Variants in ZCCHC7 observed in about 807,000 individuals in gnomAD.
ZCCHC7 encodes zinc finger CCHC-type containing 7.
A neutral mutation model predicts 52.0 loss-of-function variants in ZCCHC7; 35 were observed. The observed-to-expected ratio is 0.67, with a 90% confidence interval of 0.51 to 0.89. The LOEUF (loss-of-function observed/expected upper bound fraction) is 0.89, where lower values mean the gene tolerates loss of function less well. Among genes scored for constraint, ZCCHC7 ranks in the 40% least tolerant of loss-of-function variants. ZCCHC7 has a pLI of 0.00. For synonymous variants in ZCCHC7, 217 were observed against 221.5 expected, an observed-to-expected ratio of 0.98 and a Z score of 0.18; for missense variants, 574 against 649.1, an observed-to-expected ratio of 0.88 and a Z score of 1.26.
chr9:37,310,802 TA>T (rs1023201571), intron 5 of ZCCHC7, among the ~76,000 whole-genome samples: 3 of 151,112 alleles, frequency 2.0e-5, no homozygotes, highest in Non-Finnish European at 4.4e-5. Context: ...AAAAAAAATT[TA>T]AAAATTAGCC....
chr9:37,195,196 C>A (rs1823228322), intron 2 of ZCCHC7, among the ~76,000 whole-genome samples: 1 of 152,072 alleles, frequency 6.6e-6, no homozygotes. Flanking sequence ...ATCCGCCCAC[C>A]TCAGCCTCCC....
intron 2 of ZCCHC7, among the ~76,000 whole-genome samples, chr9:37,253,341 C>T (rs1258095804): frequency 6.6e-6 from 1 of 151,524 alleles, no homozygotes; most frequent in Non-Finnish European, 1.5e-5. Flanking sequence ...GGTTGGCTTA[C>T]CAGGATTTAT....
rs139495348 is a variant in ZCCHC7 at position 37,302,666 on chromosome 9, C to A, written c.654+435C>A. Among the ~76,000 whole-genome samples the A allele has an allele frequency of 9.2e-5, 14 of 152,346 alleles. No homozygotes were observed. The East Asian group carries it at 2.7e-3, about 29-fold the overall frequency. On this transcript the variant is annotated intron_variant, in intron 3 of 8. Coordinates refer to ENST00000336755, the MANE Select transcript of ZCCHC7 (RefSeq NM_032226.3). ...TTGGGAGATAGCTAGATTGTACTTA[C>A]ATGTGGTCCACTTGGCCAGTTCAGC... is the stretch of plus-strand genomic sequence containing the variant.
At chr9:37,310,481 T>A (rs1242676698) in intron 5 of ZCCHC7, among the ~76,000 whole-genome samples, 3 of 152,216 alleles carry the variant, frequency 2.0e-5, no homozygotes, top group African/African-American at 7.2e-5. Flanking sequence ...TAGTAGGTGT[T>A]CAGTAGATTT....
intron 2 of ZCCHC7, among the ~76,000 whole-genome samples, chr9:37,289,164 T>C (rs1360957821): frequency 2.6e-5 from 4 of 151,830 alleles, no homozygotes; most frequent in Non-Finnish European, 4.4e-5. Context: ...TTTTTTTTTT[T>C]TCTGAGGTGG....
At chr9:37,131,408 G>A (rs1307618453) in intron 2 of ZCCHC7, among the ~76,000 whole-genome samples, 1 of 151,950 alleles carries the variant, frequency 6.6e-6, no homozygotes, top group Non-Finnish European at 1.5e-5. Context: ...CACTTTGGGA[G>A]GCTGAGGTGG....
chr9:37,337,188 A>G (rs1830710520), intron 6 of ZCCHC7, among the ~76,000 whole-genome samples: 1 of 152,184 alleles, frequency 6.6e-6, no homozygotes, highest in African/African-American at 2.4e-5. Context: ...TGTGGCAAAT[A>G]GATTAAAAAA....
chr9:37,152,561 C>T (rs1017542609), intron 2 of ZCCHC7, among the ~76,000 whole-genome samples: 2 of 151,838 alleles, frequency 1.3e-5, no homozygotes, highest in Non-Finnish European at 2.9e-5. Flanking sequence ...TTTTGATGAC[C>T]ATGTCAGTTT....
At chr9:37,141,505 T>C (rs2132772323) in intron 2 of ZCCHC7, among the ~76,000 whole-genome samples, 1 of 151,956 alleles carries the variant, frequency 6.6e-6, no homozygotes, top group Middle Eastern at 3.4e-3. Flanking sequence ...TGAAAAGATA[T>C]GTTAGTGTTA....
intron 6 of ZCCHC7, among the ~76,000 whole-genome samples, chr9:37,335,335 T>A (rs1336572687): frequency 1.3e-5 from 2 of 152,146 alleles, no homozygotes; most frequent in East Asian, 1.9e-4. Context: ...CATTTTTTTT[T>A]ATCATAATAG....
intron 2 of ZCCHC7, among the ~76,000 whole-genome samples, chr9:37,196,905 A>G (rs1459058473): frequency 6.6e-6 from 1 of 152,120 alleles, no homozygotes; most frequent in Non-Finnish European, 1.5e-5. Context: ...TGTGTGAAGG[A>G]TAAAGCTCTT....
intron 2 of ZCCHC7, among the ~76,000 whole-genome samples, chr9:37,266,769 G>A (rs942967847): frequency 1.3e-5 from 2 of 152,092 alleles, no homozygotes; most frequent in African/African-American, 4.8e-5. Context: ...AGCTACTTGG[G>A]GGGCTAAGGT....
At chr9:37,144,065 G>T (rs1388978) in intron 2 of ZCCHC7, among the ~76,000 whole-genome samples, 64,760 of 151,516 alleles carry the variant, frequency 0.43, 15,450 homozygotes, top group African/African-American at 0.64. Context: ...GTAAATTAAC[G>T]GGAGCCATAC....
Position 37,203,951 on chromosome 9 carries a change from A to G in ZCCHC7, c.610+77009A>G, listed in dbSNP as rs997040417. Reference sequence around the variant, plus strand: ...AATATAAAAGCATTTGTATTTCTCCATAGCCTCGCCAGCATTTGTTGTTTC... The same window carrying G: ...AATATAAAAGCATTTGTATTTCTCCGTAGCCTCGCCAGCATTTGTTGTTTC... On this transcript the variant is annotated intron_variant, in intron 2 of 8. Transcript: ENST00000336755. 5.9e-5 allele frequency among the ~76,000 whole-genome samples: 9 copies of G among 152,310 alleles called. No individual in the cohort carries two copies. The South Asian group carries it at 1.9e-3, about 32-fold the overall frequency.
At chr9:37,303,425 CA>C (rs935274337) in intron 3 of ZCCHC7, among the ~76,000 whole-genome samples, 212 of 117,608 alleles carry the variant, frequency 1.8e-3, no homozygotes, top group Middle Eastern at 9.4e-3. Context: ...AACTCCGTCT[CA>C]AAAAAAAAAA....
At chr9:37,146,043 A>G (rs1380004111) in intron 2 of ZCCHC7, among the ~76,000 whole-genome samples, 1 of 151,912 alleles carries the variant, frequency 6.6e-6, no homozygotes, top group Non-Finnish European at 1.5e-5. Context: ...AACATTAGAA[A>G]TGATAAATAC....
intron 2 of ZCCHC7, among the ~76,000 whole-genome samples, chr9:37,211,209 C>T (rs534314078): frequency 2.6e-5 from 4 of 152,186 alleles, no homozygotes; most frequent in South Asian, 4.2e-4. Flanking sequence ...ATTGTATGAA[C>T]GATGGAGAAA....
At chr9:37,273,895 T>C (rs992709437) in intron 2 of ZCCHC7, among the ~76,000 whole-genome samples, 2 of 152,232 alleles carry the variant, frequency 1.3e-5, no homozygotes, top group Non-Finnish European at 2.9e-5. Context: ...GTTGGTCATA[T>C]GCATTACCAA....
At chr9:37,263,297 C>T (rs1826950698) in intron 2 of ZCCHC7, among the ~76,000 whole-genome samples, 1 of 151,942 alleles carries the variant, frequency 6.6e-6, no homozygotes, top group East Asian at 1.9e-4. Flanking sequence ...CCAGCCTTTT[C>T]CTATTATATA....
Sources: allele counts gnomAD v4.1 joint callset (sites outside exome capture counted in the v4.1 genomes callset), GRCh38; gene constraint gnomAD v4.1.1; transcripts MANE v1.5; gene names NCBI Gene and HGNC (gene_info 2026-07-23, HGNC 2026-07-21).